The following MAPK4 variants were observed in gnomAD, a reference collection of about 807,000 sequenced individuals.
The protein encoded by MAPK4 is mitogen-activated protein kinase 4.
Under a neutral mutation model 47.7 loss-of-function variants are expected in MAPK4, and 22 were observed. The ratio of observed to expected loss-of-function variants is 0.46; its 90% CI spans 0.33 to 0.66. The LOEUF (loss-of-function observed/expected upper bound fraction) is 0.66. Ranked by LOEUF, MAPK4 falls within the 30% of genes least tolerant of loss-of-function variation. The pLI is 0.02. For missense variants in MAPK4, 736 were observed against 831.7 expected (o/e 0.88, Z 1.42); for synonymous variants, 390 against 365.7 (o/e 1.07, Z -0.76).
chr18:50,650,789 G>A (rs937225758), intron 1 of MAPK4, among the ~76,000 whole-genome samples: 1 of 152,232 alleles, frequency 6.6e-6, no homozygotes, highest in Admixed American at 6.5e-5. Flanking sequence ...CCACATGGTC[G>A]ATATGTGACT....
intron 1 of MAPK4, among the ~76,000 whole-genome samples, chr18:50,604,069 G>C (rs541070562): frequency 2.6e-5 from 4 of 152,258 alleles, no homozygotes; most frequent in African/African-American, 9.6e-5. Context: ...AGTGAAGAAA[G>C]AGTCATAGAA....
intron 1 of MAPK4, among the ~76,000 whole-genome samples, chr18:50,640,036 G>A (rs2042924917): frequency 6.6e-6 from 1 of 152,152 alleles, no homozygotes; most frequent in African/African-American, 2.4e-5. Context: ...ATTCTACAAG[G>A]GAACATTAGA....
At chr18:50,671,449 TGA>T (rs1907943224) in intron 2 of MAPK4, among the ~76,000 whole-genome samples, 2 of 152,228 alleles carry the variant, frequency 1.3e-5, no homozygotes, top group Non-Finnish European at 2.9e-5. Context: ...AATGTCTGAT[TGA>T]GGGCTCAGCA....
At chr18:50,670,631 C>T (rs1326758725) in intron 2 of MAPK4, among the ~76,000 whole-genome samples, 1 of 151,944 alleles carries the variant, frequency 6.6e-6, no homozygotes, top group Non-Finnish European at 1.5e-5. Flanking sequence ...GTGGTGTGTG[C>T]CTGTAGTTTC....
intron 1 of MAPK4, among the ~76,000 whole-genome samples, chr18:50,564,299 T>C (rs772409795): frequency 7.2e-5 from 11 of 152,232 alleles, no homozygotes; most frequent in Non-Finnish European, 1.2e-4. Context: ...GCACTATTGA[T>C]GTTATGGGCC....
chr18:50,579,692 C>T (rs2042327164), intron 1 of MAPK4, among the ~76,000 whole-genome samples: 2 of 152,160 alleles, frequency 1.3e-5, no homozygotes, highest in African/African-American at 4.8e-5. Flanking sequence ...GGGGCTTACC[C>T]AGGGAAGTCT....
chr18:50,587,255 A>G (rs2042396754), intron 1 of MAPK4, among the ~76,000 whole-genome samples: 1 of 152,192 alleles, frequency 6.6e-6, no homozygotes, highest in Non-Finnish European at 1.5e-5. Flanking sequence ...TCGTGCCCTT[A>G]TAAGAAAGGC....
intron 1 of MAPK4, among the ~76,000 whole-genome samples, chr18:50,662,515 C>A (rs1907328484): frequency 6.6e-6 from 1 of 152,206 alleles, no homozygotes; most frequent in African/African-American, 2.4e-5. Flanking sequence ...TTATAGGTGG[C>A]AACATTATTT....
At chr18:50,594,081 G>C (rs2042461299) in intron 1 of MAPK4, among the ~76,000 whole-genome samples, 1 of 152,206 alleles carries the variant, frequency 6.6e-6, no homozygotes, top group African/African-American at 2.4e-5. Flanking sequence ...GAAGAGCCTG[G>C]AGTCTGATGT....
chr18:50,580,549 G>T (rs951101514), intron 1 of MAPK4, among the ~76,000 whole-genome samples: 1 of 152,138 alleles, frequency 6.6e-6, no homozygotes, highest in African/African-American at 2.4e-5. Context: ...TGCCCAAGGG[G>T]ACTTCCATCA....
intron 1 of MAPK4, among the ~76,000 whole-genome samples, chr18:50,621,235 C>T (rs1270539284): frequency 6.6e-6 from 1 of 152,164 alleles, no homozygotes; most frequent in Non-Finnish European, 1.5e-5. Context: ...GCCTTCTAGA[C>T]AGCAGACAAA....
At chr18:50,671,925 CA>C (rs1414529303) in intron 2 of MAPK4, among the ~76,000 whole-genome samples, 4 of 151,256 alleles carry the variant, frequency 2.6e-5, no homozygotes, top group Admixed American at 6.6e-5. Context: ...TGATCAACTT[CA>C]TTTCCTCCCT....
chr18:50,707,899 T>A (rs1910144554), intron 2 of MAPK4, among the ~76,000 whole-genome samples: 1 of 151,882 alleles, frequency 6.6e-6, no homozygotes, highest in African/African-American at 2.4e-5. Flanking sequence ...GAGGGTGGAG[T>A]GGAGAAGGGG....
At chr18:50,626,796 G>T in intron 1 of MAPK4, among the ~76,000 whole-genome samples, 1 of 152,118 alleles carries the variant, frequency 6.6e-6, no homozygotes, top group East Asian at 1.9e-4. Context: ...AGATGTTCAG[G>T]GGGCTCTGTA....
At chr18:50,599,319 CTT>C (rs1448367189) in intron 1 of MAPK4, among the ~76,000 whole-genome samples, 3 of 152,168 alleles carry the variant, frequency 2.0e-5, no homozygotes, top group Non-Finnish European at 2.9e-5. Flanking sequence ...CCCTATCAGT[CTT>C]TTTACCTCAC....
chr18:50,559,617 C>T (rs2042133003), upstream of MAPK4, among the ~76,000 whole-genome samples: 1 of 136,840 alleles, frequency 7.3e-6, no homozygotes, highest in African/African-American at 2.5e-5. Flanking sequence ...TCCCCACCCA[C>T]CCTCCCACCG....
chr18:50,587,483 C>T (rs2042398928), intron 1 of MAPK4, among the ~76,000 whole-genome samples: 1 of 152,224 alleles, frequency 6.6e-6, no homozygotes, highest in African/African-American at 2.4e-5. Context: ...GGTTAAATGT[C>T]TTGTCCAAAG....
intron 1 of MAPK4, among the ~76,000 whole-genome samples, chr18:50,623,846 C>G (rs1222509407): frequency 6.6e-6 from 1 of 152,204 alleles, no homozygotes; most frequent in Admixed American, 6.5e-5. Context: ...CCAACCCTGC[C>G]CTTCTGGATT....
intron 2 of MAPK4, among the ~76,000 whole-genome samples, chr18:50,672,960 C>T (rs996045774): frequency 6.6e-6 from 1 of 152,200 alleles, no homozygotes; most frequent in Non-Finnish European, 1.5e-5. Context: ...TCTGGCTGTC[C>T]ACTAGGGGTA....
Sources: allele counts gnomAD v4.1 joint callset (sites outside exome capture counted in the v4.1 genomes callset), GRCh38; gene constraint gnomAD v4.1.1; transcripts MANE v1.5; gene names NCBI Gene and HGNC (gene_info 2026-07-23, HGNC 2026-07-21).